DSCAM: variants seen among roughly 807,000 people sequenced by gnomAD.
The protein encoded by DSCAM is cell adhesion molecule DSCAM.
DSCAM carries 47 observed loss-of-function variants against 217.7 expected under a neutral mutation model. The observed-to-expected ratio is 0.22, with a 90% CI of 0.17 to 0.28. DSCAM has a LOEUF of 0.28. DSCAM is among the 10% of genes least tolerant of loss of function. The pLI, the probability that DSCAM is intolerant of heterozygous loss-of-function variation, is 1.00. For missense variants in DSCAM, 2,080 were observed against 2,618.3 expected, an observed-to-expected ratio of 0.79 and a Z score of 4.49; for synonymous variants, 1,056 against 1,015.3, an observed-to-expected ratio of 1.04 and a Z score of -0.76.
intron 3 of DSCAM, among the ~76,000 whole-genome samples, chr21:40,629,838 C>T (rs1389698055): frequency 6.6e-6 from 1 of 152,118 alleles, no homozygotes; most frequent in Admixed American, 6.6e-5. Context: ...TAATCATATT[C>T]ATATTTACTA....
At chr21:40,284,517 C>A (rs1318569980) in intron 10 of DSCAM, among the ~76,000 whole-genome samples, 1 of 152,166 alleles carries the variant, frequency 6.6e-6, no homozygotes, top group East Asian at 1.9e-4. Context: ...GTGAGAGGCA[C>A]TTAAAAACAA....
chr21:40,026,861 A>G (rs1252664310), intron 32 of DSCAM, among the ~76,000 whole-genome samples: 2 of 151,930 alleles, frequency 1.3e-5, no homozygotes, highest in African/African-American at 4.8e-5. Flanking sequence ...TAATTGGAGC[A>G]TTTAGTCCAT....
intron 3 of DSCAM, among the ~76,000 whole-genome samples, chr21:40,580,304 G>T (rs2076894271): frequency 6.6e-6 from 1 of 151,984 alleles, no homozygotes; most frequent in African/African-American, 2.4e-5. Flanking sequence ...AGGCCGAGGT[G>T]GGTGGATCAC....
chr21:40,811,414 A>G (rs1269793680), intron 1 of DSCAM, among the ~76,000 whole-genome samples: 3 of 152,224 alleles, frequency 2.0e-5, no homozygotes, highest in African/African-American at 7.2e-5. Flanking sequence ...CCTACCAAAT[A>G]CTTGATGCTT....
intron 11 of DSCAM, among the ~76,000 whole-genome samples, chr21:40,194,540 C>T (rs972871926): frequency 3.3e-5 from 5 of 152,164 alleles, no homozygotes; most frequent in Non-Finnish European, 5.9e-5. Context: ...CCCAAGAAGG[C>T]TTTGTCCAAA....
At chr21:40,517,357 C>T (rs989374663) in intron 3 of DSCAM, among the ~76,000 whole-genome samples, 6 of 149,768 alleles carry the variant, frequency 4.0e-5, no homozygotes, top group East Asian at 2.0e-4. Flanking sequence ...TATATATATA[C>T]ACACACACAT....
chr21:40,167,795 G>C (rs769862216), intron 15 of DSCAM, among the ~76,000 whole-genome samples: 1 of 152,118 alleles, frequency 6.6e-6, no homozygotes. Flanking sequence ...GGCCGGGCAC[G>C]GTGGCTCACG....
At chr21:40,340,075 C>A (rs1306695450) in intron 6 of DSCAM, among the ~76,000 whole-genome samples, 1 of 151,960 alleles carries the variant, frequency 6.6e-6, no homozygotes, top group Admixed American at 6.6e-5. Flanking sequence ...TATTAAATGC[C>A]GTGTATTAAA....
chr21:40,222,656 T>C (rs1408279297), intron 11 of DSCAM, among the ~76,000 whole-genome samples: 1 of 150,242 alleles, frequency 6.7e-6, no homozygotes. Context: ...TAATTCATCC[T>C]CTTCTCACCA....
At chr21:40,613,671 T>C (rs2089346597) in intron 3 of DSCAM, among the ~76,000 whole-genome samples, 1 of 152,136 alleles carries the variant, frequency 6.6e-6, no homozygotes, top group Non-Finnish European at 1.5e-5. Flanking sequence ...ACAGCCCACT[T>C]TTCCACTTCA....
At chr21:40,379,885 G>C (rs1181886539) in intron 3 of DSCAM, among the ~76,000 whole-genome samples, 3 of 152,116 alleles carry the variant, frequency 2.0e-5, no homozygotes, top group Admixed American at 2.0e-4. Flanking sequence ...ATGTTTATGA[G>C]AGTATCATCA....
Position 40,630,087 on chromosome 21 carries a change from G to A in DSCAM, c.508+62723C>T, listed in dbSNP as rs567053316. 7.9e-5 allele frequency among the ~76,000 whole-genome samples: 12 copies of A among 152,282 alleles called. No homozygotes were observed. The East Asian group carries it at 2.3e-3, about 29-fold the overall frequency. On this transcript the variant is annotated intron_variant, in intron 3 of 32. Transcript: ENST00000400454. ...ACCATGGAGCCCAACAGGAAGAGGT[G>A]TGGTGGCCAGGAAAGCAGAAGTGAA...
At chr21:40,337,081 A>G (rs1244192285) in intron 8 of DSCAM, among the ~76,000 whole-genome samples, 1 of 152,240 alleles carries the variant, frequency 6.6e-6, no homozygotes, top group East Asian at 1.9e-4. Flanking sequence ...GCCCCGTAAT[A>G]ATAGTATACA....
At chr21:40,266,943 C>T (rs1039333538) in intron 11 of DSCAM, among the ~76,000 whole-genome samples, 18 of 143,174 alleles carry the variant, frequency 1.3e-4, no homozygotes. Flanking sequence ...GCAAATAATG[C>T]ATGTTCTCAT....
At chr21:40,606,428 T>A (rs976471681) in intron 3 of DSCAM, among the ~76,000 whole-genome samples, 1 of 152,240 alleles carries the variant, frequency 6.6e-6, no homozygotes, top group African/African-American at 2.4e-5. Context: ...AAATGTTTAG[T>A]GTTGGCAACT....
intron 24 of DSCAM, among the ~76,000 whole-genome samples, chr21:40,082,145 C>A (rs1225269626): frequency 6.6e-6 from 1 of 152,130 alleles, no homozygotes; most frequent in East Asian, 1.9e-4. Context: ...CACTTTTCTT[C>A]CCAGCTGTCC....
At chr21:40,678,262 A>T (rs999069810) in intron 3 of DSCAM, among the ~76,000 whole-genome samples, 5 of 152,176 alleles carry the variant, frequency 3.3e-5, no homozygotes, top group African/African-American at 1.2e-4. Flanking sequence ...TATAATTTTT[A>T]AAATGGCAAC....
chr21:40,222,595 A>G (rs546983845), intron 11 of DSCAM, among the ~76,000 whole-genome samples: 6 of 152,356 alleles, frequency 3.9e-5, no homozygotes, highest in African/African-American at 1.4e-4. Context: ...AGTAGATTGA[A>G]TGCAGAAGCA....
intron 3 of DSCAM, among the ~76,000 whole-genome samples, chr21:40,545,648 G>A (rs962423661): frequency 2.0e-5 from 3 of 152,144 alleles, no homozygotes; most frequent in Non-Finnish European, 4.4e-5. Flanking sequence ...CACTTGGCAG[G>A]GGTAAGAATT....
Sources: gnomAD v4.1 joint callset for allele counts (sites outside exome capture counted in the v4.1 genomes callset) on GRCh38, gnomAD v4.1.1 for gene constraint, MANE v1.5 for transcripts, NCBI Gene and HGNC (gene_info 2026-07-23, HGNC 2026-07-21) for gene names.